The following UST variants were observed in gnomAD, a reference collection of about 807,000 sequenced individuals.
UST encodes the protein chondroitin sulfate 2-O-sulfotransferase.
In UST, 21 loss-of-function variants were observed where a neutral mutation model predicts 45.6. The observed-to-expected ratio is 0.46, with a 90% CI of 0.33 to 0.66. UST has a LOEUF of 0.66. UST is among the 30% of genes least tolerant of loss of function. The pLI, the probability that UST is intolerant of heterozygous loss-of-function variation, is 0.02. For synonymous variants in UST, 215 were observed against 200.6 expected, an observed-to-expected ratio of 1.07 and a Z score of -0.61; for missense variants, 463 against 512.4, an observed-to-expected ratio of 0.90 and a Z score of 0.93.
chr6:149,041,405 G>A (rs576446142), intron 7 of UST, among the ~76,000 whole-genome samples: 4 of 152,362 alleles, frequency 2.6e-5, no homozygotes, highest in African/African-American at 9.6e-5. Flanking sequence ...CACAAATGCA[G>A]TGAGGCCAGT....
intron 5 of UST, among the ~76,000 whole-genome samples, chr6:149,003,442 AAC>A (rs1296396007): frequency 5.1e-5 from 7 of 136,452 alleles, no homozygotes; most frequent in African/African-American, 8.6e-5. Context: ...TAAAAAACAA[AAC>A]AAAAAAAAAA....
chr6:149,007,715 C>T (rs1026201594), intron 5 of UST, among the ~76,000 whole-genome samples: 34 of 152,128 alleles, frequency 2.2e-4, no homozygotes, highest in Non-Finnish European at 1.6e-4. Context: ...TGAGCCACCG[C>T]GCCCGACCTC....
chr6:148,993,927 T>C lies in UST; in HGVS notation c.682-25212T>C, dbSNP rs925570918. 5.3e-5 allele frequency among the ~76,000 whole-genome samples: 8 copies of C among 150,358 alleles called. No homozygotes were observed. The Admixed American group carries it at 5.3e-4, about 10-fold the overall frequency. ...GGGTCAGTTAAACCTCTTTTCCTTA[T>C]AAATTACCCAGTCTTGAATATTTCT... On this transcript the variant is annotated intron_variant, in intron 5 of 7. Coordinates refer to ENST00000367463, the MANE Select transcript of UST (RefSeq NM_005715.3).
intron 1 of UST, among the ~76,000 whole-genome samples, chr6:148,813,997 C>T (rs989690470): frequency 5.3e-5 from 8 of 152,158 alleles, no homozygotes; most frequent in Admixed American, 2.0e-4. Context: ...AAAATCTTTT[C>T]GGCCTTTCCA....
rs67953897 is a variant in UST at position 148,798,851 on chromosome 6, G to GATTTATTTATTT, written c.247+51199_247+51210dup. On this transcript the variant is annotated intron_variant, in intron 1 of 7. Coordinates refer to ENST00000367463, the MANE Select transcript of UST (RefSeq NM_005715.3). ...GGAAAAGCAATGCAGGAGGAGATAG[G>GATTTATTTATTT]ATTTATTTATTTATTTATTTATTTA... Among the ~76,000 whole-genome samples the GATTTATTTATTT allele has an allele frequency of 9.4e-3, 1,401 of 149,720 alleles. 23 individuals are homozygous for GATTTATTTATTT. The highest frequency in any genetic ancestry group is 0.032 in the African/African-American group (1,309 of 40,418).
chr6:148,838,314 G>A (rs951387603), intron 1 of UST, among the ~76,000 whole-genome samples: 7 of 152,200 alleles, frequency 4.6e-5, no homozygotes, highest in African/African-American at 1.4e-4. Flanking sequence ...GCAGGTGATG[G>A]TGAGTGTGGG....
chr6:148,864,567 G>C (rs911570342), intron 1 of UST, among the ~76,000 whole-genome samples: 1 of 152,182 alleles, frequency 6.6e-6, no homozygotes, highest in Non-Finnish European at 1.5e-5. Context: ...GAAATCACCC[G>C]TCTCTGTATT....
At chr6:149,025,634 G>T (rs1167568154) in intron 7 of UST, among the ~76,000 whole-genome samples, 1 of 152,130 alleles carries the variant, frequency 6.6e-6, no homozygotes, top group East Asian at 1.9e-4. Context: ...TATTACATAT[G>T]ATCACATATG....
At chr6:148,950,341 G>C (rs1780342674) in intron 3 of UST, among the ~76,000 whole-genome samples, 2 of 152,128 alleles carry the variant, frequency 1.3e-5, no homozygotes, top group Non-Finnish European at 2.9e-5. Flanking sequence ...TTTGCTGTTG[G>C]GATTATTGCC....
chr6:148,991,367 T>G (rs1425294957), intron 5 of UST, among the ~76,000 whole-genome samples: 1 of 152,134 alleles, frequency 6.6e-6, no homozygotes, highest in Non-Finnish European at 1.5e-5. Flanking sequence ...TAATTTTTAT[T>G]TTTATTATTA....
rs148208341 is a variant in UST at position 148,887,117 on chromosome 6, G to A, written c.291+88G>A. Reference sequence around the variant, plus strand: ...AGCAGAACAGATCTCTCCTGGACACGAATCATTCACAAGAAACAGTAGATG... The same window carrying A: ...AGCAGAACAGATCTCTCCTGGACACAAATCATTCACAAGAAACAGTAGATG... On this transcript the variant is annotated intron_variant, in intron 2 of 7. Coordinates refer to ENST00000367463, the MANE Select transcript of UST (RefSeq NM_005715.3). 232 of 1,001,634 alleles carry A rather than the reference G, an allele frequency of 2.3e-4. 3 individuals are homozygous for A. In the East Asian group the frequency reaches 5.5e-3, roughly 24 times the overall value. 62.0% of individuals were successfully genotyped at this position (1,001,634 alleles called of 1,614,324 possible).
At chr6:148,863,673 A>G (rs1016198384) in intron 1 of UST, among the ~76,000 whole-genome samples, 3 of 152,066 alleles carry the variant, frequency 2.0e-5, no homozygotes, top group Non-Finnish European at 4.4e-5. Context: ...TGACATACAG[A>G]TGGGGTTTTG....
intron 5 of UST, among the ~76,000 whole-genome samples, chr6:148,989,696 C>G (rs556612934): frequency 1.3e-5 from 2 of 152,306 alleles, no homozygotes; most frequent in East Asian, 1.9e-4. Context: ...AAGAAGGGAG[C>G]CTATAAAACT....
rs551593699 is a variant in UST, at chr6:148,748,925, G to GA, written c.247+1260dup. Among the ~76,000 whole-genome samples, 4,582 of 134,464 alleles carry GA rather than the reference G, an allele frequency of 0.034. 149 individuals are homozygous for GA. The highest frequency in any genetic ancestry group is 0.09 in the African/African-American group (3,382 of 37,488). The allele number at this position is 134,464 out of a possible 152,430, so 88.2% of individuals were successfully genotyped here. On this transcript the variant is annotated intron_variant, in intron 1 of 7. Coordinates refer to ENST00000367463, the MANE Select transcript of UST (RefSeq NM_005715.3). The surrounding 1 kb of genome is among the most constrained non-coding windows in gnomAD (Gnocchi z 5.3). ...GTTTGGAGAAAAGAGAAAAGAAAAGGAAAAAAAAAAAACCCAAAACAAACA... is the reference window on the plus strand; with the variant it reads ...GTTTGGAGAAAAGAGAAAAGAAAAGGAAAAAAAAAAAAACCCAAAACAAACA...
chr6:148,844,104 G>T (rs9377165), intron 1 of UST, among the ~76,000 whole-genome samples: 2 of 152,278 alleles, frequency 1.3e-5, no homozygotes, highest in East Asian at 3.9e-4. Flanking sequence ...TGTCACTGAG[G>T]CAGAATTGTT....
intron 5 of UST, chr6:149,005,626 C>T (rs780111926): frequency 4.0e-5 from 39 of 984,168 alleles, no homozygotes; most frequent in Non-Finnish European, 4.7e-5. Flanking sequence ...TCCCTCTCTC[C>T]ACCACCATTA....
At chr6:149,051,679 C>G (rs921709048) in intron 7 of UST, among the ~76,000 whole-genome samples, 1 of 152,196 alleles carries the variant, frequency 6.6e-6, no homozygotes, top group Non-Finnish European at 1.5e-5. Context: ...CCCTTTGTAT[C>G]TCCACTTTGT....
chr6:149,060,610 T>A (rs1380478592), intron 7 of UST, among the ~76,000 whole-genome samples: 1 of 152,182 alleles, frequency 6.6e-6, no homozygotes, highest in East Asian at 1.9e-4. Flanking sequence ...TGTATGGGAA[T>A]GGAGGTGGCA....
intron 2 of UST, among the ~76,000 whole-genome samples, chr6:148,913,553 G>A (rs1343289124): frequency 2.1e-5 from 3 of 145,248 alleles, no homozygotes; most frequent in Non-Finnish European, 4.5e-5. Flanking sequence ...TAAATGTTTT[G>A]GACACAATAA....
Sources: gnomAD v4.1 joint callset for allele counts (sites outside exome capture counted in the v4.1 genomes callset) on GRCh38, gnomAD v4.1.1 for gene constraint, Gnocchi (gnomAD v3.1) non-coding constraint, MANE v1.5 for transcripts, NCBI Gene and HGNC (gene_info 2026-07-23, HGNC 2026-07-21) for gene names.